The following EVPL variants were observed in gnomAD, a reference collection of about 807,000 sequenced individuals.
EVPL encodes envoplakin, also known as 210 kDa cornified envelope precursor protein.
EVPL carries 94 observed loss-of-function variants against 129.7 expected under a neutral mutation model. That is an observed-to-expected ratio of 0.72 (90% CI 0.61 to 0.86). The LOEUF is 0.86. Among genes scored for constraint, EVPL ranks in the 40% least tolerant of loss-of-function variants. The pLI is 0.00. For missense variants in EVPL, 2,625 were observed against 2,721.1 expected (o/e 0.96, Z 0.79); for synonymous variants, 1,172 against 1,191.1 (o/e 0.98, Z 0.33).
At position 76,007,975 on chromosome 17, in the gene EVPL, C is replaced by G. The variant is rs570072286; in HGVS notation, c.5230G>C (p.Gly1744Arg). The part of the protein sequence containing the change: ...EESVLLDRKS[G>R]KQYSIEAALR... ...GCGGCCTCGATGGAGTACTGCTTCC[C>G]GCTCTTGCGGTCCAGGAGCACAGAC... is the stretch of plus-strand genomic sequence containing the variant. The change falls in exon 22 of 22, where the codon GGG becomes CGG. Residue 1744 changes from glycine (G) to arginine (R), a missense_variant. This residue lies in a region of EVPL where 1,453 missense variants were observed against 1,511.8 expected (regional missense o/e 0.96). Transcript: ENST00000301607. The surrounding 1 kb of genome is among the most constrained non-coding windows in gnomAD (Gnocchi z 8.8). 3.1e-6 allele frequency: 5 copies of G among 1,614,082 alleles called. No individual in the cohort carries two copies. Among genetic ancestry groups the G allele is most frequent in the Non-Finnish European group, 4.2e-6 (5 of 1,180,026 alleles).
chr17:76,022,121 CGGGCA>C lies in EVPL; in HGVS notation c.645+63_645+67del, dbSNP rs2066465214. ...GGGCCGCGCTCAGGAACACTGGCCCCGGGCAGGGTCCGGGCGGCCACCCAGGCCCA... is the reference window on the plus strand; with the variant it reads ...GGGCCGCGCTCAGGAACACTGGCCCCGGGTCCGGGCGGCCACCCAGGCCCA... On this transcript the variant is annotated intron_variant, in intron 6 of 21. Transcript: ENST00000301607. This position sits in a 1 kb window ranked among gnomAD's most constrained non-coding sequence, Gnocchi z 5.6. The C allele has an allele frequency of 6.3e-7, 1 of 1,596,456 alleles. No individual in the cohort carries two copies. Among genetic ancestry groups the C allele is most frequent in the Non-Finnish European group, 8.5e-7 (1 of 1,173,470 alleles).
intron 11 of EVPL, 41 bp from the exon 12 acceptor site, chr17:76,018,641 G>A (rs372840624): frequency 6.3e-5 from 99 of 1,563,142 alleles, no homozygotes; most frequent in Non-Finnish European, 8.1e-5. Context: ...GGGCTCAGGG[G>A]CAGGGGGCCA....
chr17:76,020,844 A>T (rs1263111330), intron 9 of EVPL, among the ~76,000 whole-genome samples: 1 of 152,128 alleles, frequency 6.6e-6, no homozygotes. Flanking sequence ...GATGTGAGCC[A>T]CCACACCTGG....
At chr17:76,023,473 C>G (rs758789063) in intron 3 of EVPL, 27 bp downstream of exon 3, 3 of 1,611,822 alleles carry the variant, frequency 1.9e-6, no homozygotes, top group Admixed American at 3.3e-5. Flanking sequence ...CCCCAGGGAC[C>G]CCCAGCCCTG....
chr17:76,022,945 C>T lies in EVPL; in HGVS notation c.480+347G>A, dbSNP rs2066472963. On this transcript the variant is annotated intron_variant, in intron 4 of 21. Transcript: ENST00000301607. This position sits in a 1 kb window ranked among gnomAD's most constrained non-coding sequence, Gnocchi z 5.6. ...AAAGCACAACTCCTCAACCAGGGAT[C>T]AGAATGTCCCATGACCTGGCTCTGC... 6.6e-6 allele frequency among the ~76,000 whole-genome samples: 1 copy of T among 152,164 alleles called. No individual in the cohort carries two copies. Among genetic ancestry groups the T allele is most frequent in the Non-Finnish European group, 1.5e-5 (1 of 68,016 alleles).
Position 76,009,156 on chromosome 17 carries a change from G to C in EVPL, c.4049C>G (p.Ala1350Gly). 5 of 1,608,986 alleles carry C rather than the reference G, an allele frequency of 3.1e-6. No individual in the cohort carries two copies. Among genetic ancestry groups the C allele is most frequent in the Non-Finnish European group, 4.2e-6 (5 of 1,179,758 alleles). The change falls in exon 22 of 22, where the codon GCG (alanine) becomes GGG (glycine). Residue 1350 changes from alanine (A) to glycine (G), a missense_variant. Coordinates refer to ENST00000301607, the MANE Select transcript of EVPL (RefSeq NM_001988.4). This position sits in a 1 kb window ranked among gnomAD's most constrained non-coding sequence, Gnocchi z 5.9. ...GCGCTTGCTCTGCAGCTCGTACACC[G>C]CGTCCTCCGCGGCCCGCCTCTTCTG... ...AAQKRRAAED[A>G]VYELQSKRLL...
intron 4 of EVPL, 77 bp downstream of exon 4, chr17:76,023,215 C>G (rs1280764819): frequency 3.8e-6 from 6 of 1,588,866 alleles, no homozygotes; most frequent in Middle Eastern, 2.0e-4. Flanking sequence ...CTATTCAAGC[C>G]TGCAGTCAGG....
Position 76,007,422 on chromosome 17 carries a change from C to T in EVPL, c.5783G>A (p.Arg1928Gln), listed in dbSNP as rs147978600. Residue 1928 changes from arginine to glutamine, a missense_variant, in exon 22 of 22, where the codon CGG becomes CAG. By Grantham distance (43) the Arg-to-Gln change is conservative. Coordinates refer to ENST00000301607, the MANE Select transcript of EVPL (RefSeq NM_001988.4). The surrounding 1 kb of genome is among the most constrained non-coding windows in gnomAD (Gnocchi z 8.8). Reference protein sequence around the residue: ...GEAVQKGWMPRESVLPHLQVQ... With the variant: ...GEAVQKGWMPQESVLPHLQVQ... Reference sequence around the variant, plus strand: ...CTGCAGGTGTGGGAGCACGCTCTCCCGGGGCATCCAGCCCTTCTGGACGGC... The same window carrying T: ...CTGCAGGTGTGGGAGCACGCTCTCCTGGGGCATCCAGCCCTTCTGGACGGC... 1.2e-5 allele frequency: 20 copies of T among 1,605,874 alleles called. No homozygotes were observed. In the East Asian group the frequency reaches 2.2e-4, roughly 18 times the overall value.
At chr17:76,025,444 C>T (rs1167757480) in intron 1 of EVPL, among the ~76,000 whole-genome samples, 1 of 152,184 alleles carries the variant, frequency 6.6e-6, no homozygotes, top group Non-Finnish European at 1.5e-5. Context: ...GCCCTGAGGA[C>T]GGAGCTGCCC....
Position 76,018,235 on chromosome 17 carries a change from A to G in EVPL, c.1463T>C (p.Leu488Pro). ...CTGGACTGTGGCCAATTTCTGCTTC[A>G]GGGCCTGCAGCTCTGAGGCCAGCCT... ...ASRLASELQA[L>P]KQKLATVQSR... The change falls in exon 13 of 22, where the codon CTG becomes CCG. Residue 488 changes from leucine to proline, a missense_variant. Leu to Pro is a moderately conservative substitution (Grantham distance 98). Coordinates refer to ENST00000301607, the MANE Select transcript of EVPL (RefSeq NM_001988.4). 6.5e-7 allele frequency: 1 copy of G among 1,548,930 alleles called. No individual in the cohort carries two copies. Among genetic ancestry groups the G allele is most frequent in the Non-Finnish European group, 8.7e-7 (1 of 1,145,452 alleles).
At chr17:76,011,547 T>C (rs778089872) in intron 21 of EVPL, 29 bp downstream of exon 21, 10 of 1,589,722 alleles carry the variant, frequency 6.3e-6, no homozygotes, top group South Asian at 4.4e-5. Flanking sequence ...CTGGCTATTG[T>C]GGGAAAGCTG....
rs1470428379 is a variant in EVPL, at chr17:76,009,653, C to T, written c.3552G>A (p.Glu1184=). 1 of 1,613,784 alleles carries T rather than the reference C, an allele frequency of 6.2e-7. No homozygotes were observed. Among genetic ancestry groups the T allele is most frequent in the Non-Finnish European group, 8.5e-7 (1 of 1,180,024 alleles). The change falls in exon 22 of 22, where the codon GAG becomes GAA. Residue 1184 remains glutamate (E), a synonymous_variant. Coordinates refer to ENST00000301607, the MANE Select transcript of EVPL (RefSeq NM_001988.4). This position sits in a 1 kb window ranked among gnomAD's most constrained non-coding sequence, Gnocchi z 5.9. ...GGAGCTGCACTTTGGGCCTCTGCTT[C>T]TCCACCACGCTGTACTTGCTGTGCA... is the stretch of plus-strand genomic sequence containing the variant. ...SDLHSKYSVV[E]KQRPKVQLQE... is the part of the protein sequence containing the mutation.
chr17:76,022,060 TG>T lies in EVPL; in HGVS notation c.646-33del. On this transcript the variant is annotated intron_variant, in intron 6 of 21. Transcript: ENST00000301607. This position sits in a 1 kb window ranked among gnomAD's most constrained non-coding sequence, Gnocchi z 5.6. The stretch of plus-strand genomic sequence containing the variant: ...TCAGGACCCGCCGCCAGCAGCAGGG[TG>T]GGGAGACAGAAAGTGGGGGGCAAAA... 6.4e-7 allele frequency: 1 copy of T among 1,555,942 alleles called. No individual in the cohort carries two copies. Among genetic ancestry groups the T allele is most frequent in the Non-Finnish European group, 8.6e-7 (1 of 1,156,368 alleles).
Position 76,010,561 on chromosome 17 carries a change from G to A in EVPL, c.2662-18C>T, listed in dbSNP as rs1434057271. On this transcript the variant is annotated intron_variant, in intron 21 of 21. Coordinates refer to ENST00000301607, the MANE Select transcript of EVPL (RefSeq NM_001988.4). ...AGCTCCTTCTGCAGAGAGGAAGAAG[G>A]GTAGAGCACGGGGTGGGCGGTAGAG... 1 of 1,598,950 alleles carries A rather than the reference G, an allele frequency of 6.3e-7. No individual in the cohort carries two copies. Among genetic ancestry groups the A allele is most frequent in the African/African-American group, 1.3e-5 (1 of 74,094 alleles).
chr17:76,018,785 AG>A lies in EVPL; in HGVS notation c.1284+128del, dbSNP rs1010885254. 9.6e-6 allele frequency: 12 copies of A among 1,244,400 alleles called. No homozygotes were observed. In the African/African-American group the frequency reaches 1.9e-4, roughly 20 times the overall value. 77.1% of individuals were successfully genotyped at this position (1,244,400 alleles called of 1,614,324 possible). ...CTTGGAGAGAGGAGGGTCTGAGTCA[AG>A]GGAAGGAGTAGGGCAAAAGTGGGCG... On this transcript the variant is annotated intron_variant, in intron 11 of 21. Coordinates refer to ENST00000301607, the MANE Select transcript of EVPL (RefSeq NM_001988.4).
Position 76,007,099 on chromosome 17 carries a change from C to T in EVPL, c.*4G>A, listed in dbSNP as rs372181225. On this transcript the variant is annotated 3_prime_UTR_variant, in exon 22 of 22. Transcript: ENST00000301607. This position sits in a 1 kb window ranked among gnomAD's most constrained non-coding sequence, Gnocchi z 8.8. ...GCACTTCCCCACTGGCTCCTTGGCCCGTGTCAGCGAAGGGAGCGCGGGACG... is the reference window on the plus strand; with the variant it reads ...GCACTTCCCCACTGGCTCCTTGGCCTGTGTCAGCGAAGGGAGCGCGGGACG... The T allele has an allele frequency of 2.0e-4, 298 of 1,455,104 alleles. 1 individual carries two copies. The Middle Eastern group carries it at 4.2e-3, about 21-fold the overall frequency. 90.1% of individuals were successfully genotyped at this position (1,455,104 alleles called of 1,614,324 possible). A position where few individuals can be genotyped will look rare whatever the true frequency, so the allele number is the denominator to read the frequency against.
In EVPL at chr17:76,008,557, G is replaced by C; in HGVS notation, c.4648C>G (p.Arg1550Gly). 6.2e-7 allele frequency: 1 copy of C among 1,609,186 alleles called. No homozygotes were observed. ...CGTGCCTCCTCCTCCCGGGCCTGCC[G>C]GGCCGTGCGCTCCCTGTTGAGCATC... ...WEMLNRERTARQAREEEARRL... is the reference protein window; with the variant it reads ...WEMLNRERTAGQAREEEARRL... The change falls in exon 22 of 22, where the codon CGG (arginine) becomes GGG (glycine). Residue 1550 changes from arginine to glycine, a missense_variant. Physicochemically the swap from Arg to Gly is moderately radical, Grantham distance 125. This residue lies in a region of EVPL where 1,453 missense variants were observed against 1,511.8 expected (regional missense o/e 0.96). Coordinates refer to ENST00000301607, the MANE Select transcript of EVPL (RefSeq NM_001988.4). The surrounding 1 kb of genome is among the most constrained non-coding windows in gnomAD (Gnocchi z 7.4).
At chr17:76,021,610 C>T (rs2066459063) in intron 8 of EVPL, 47 bp from the exon 9 acceptor site, 6 of 1,358,452 alleles carry the variant, frequency 4.4e-6, no homozygotes, top group East Asian at 2.9e-5. Flanking sequence ...CCCCCACGTC[C>T]GCCCCACCTC....
rs2066469107 is a variant in EVPL at position 76,022,493 on chromosome 17, C to G, written c.526G>C (p.Glu176Gln). The stretch of plus-strand genomic sequence containing the variant: ...ATGTTGTGCTCGGCGATCTGTTGCT[C>G]CAGCTCCGCCATGCCCGGCCCGTAC... ...GQYGPGMAEL[E>Q]QQIAEHNILQ... is the part of the protein sequence containing the mutation. The change falls in exon 5 of 22, where the codon GAG becomes CAG. Residue 176 changes from glutamate (E) to glutamine (Q), a missense_variant. Around this residue, in one of 4 missense-constraint regions of EVPL, gnomAD observed 1,024 missense variants for 997.5 expected, o/e 1.03. Coordinates refer to ENST00000301607, the MANE Select transcript of EVPL (RefSeq NM_001988.4). This position sits in a 1 kb window ranked among gnomAD's most constrained non-coding sequence, Gnocchi z 5.6. 2 of 1,612,290 alleles carry G rather than the reference C, an allele frequency of 1.2e-6. No individual in the cohort carries two copies.
Sources: gnomAD v4.1 joint callset for allele counts (sites outside exome capture counted in the v4.1 genomes callset) on GRCh38, gnomAD v4.1.1 for gene constraint, gnomAD v4.1.1 regional missense constraint, Gnocchi (gnomAD v3.1) non-coding constraint, MANE v1.5 for transcripts, NCBI Gene and HGNC (gene_info 2026-07-23, HGNC 2026-07-21) for gene names.